Variants in ITPR3 observed in about 807,000 individuals in gnomAD.
ITPR3 encodes the protein inositol 1,4,5-trisphosphate-gated calcium channel ITPR3.
Under a neutral mutation model 293.2 loss-of-function variants are expected in ITPR3, and 173 were observed. The ratio of observed to expected loss-of-function variants is 0.59; its 90% CI spans 0.52 to 0.67. The LOEUF is 0.67. ITPR3 is among the 30% of genes least tolerant of loss of function. The probability of loss-of-function intolerance (pLI) is 0.00; values close to 1 mark genes in which losing one functional copy is unlikely to be tolerated. For synonymous variants in ITPR3, 1,295 were observed against 1,444.4 expected (o/e 0.90, Z 2.35); for missense variants, 2,796 against 3,592.1 (o/e 0.78, Z 5.66).
At chr6:33,689,088 G>GA in intron 49 of ITPR3, 150 bp from the exon 50 acceptor site, 1 of 914,562 alleles carries the variant, frequency 1.1e-6, no homozygotes, top group Non-Finnish European at 1.7e-6. Context: ...AGGCCTGAGA[G>GA]GCAGGTGTAA....
intron 2 of ITPR3, among the ~76,000 whole-genome samples, chr6:33,652,068 G>A (rs571388134): frequency 6.6e-6 from 1 of 152,238 alleles, no homozygotes; most frequent in South Asian, 2.1e-4. Flanking sequence ...ACAGGGCCCT[G>A]CACCTCTCAG....
chr6:33,674,220 A>G lies in ITPR3; in HGVS notation c.3071A>G (p.Asn1024Ser). The change falls in exon 24 of 58, where the codon AAC (asparagine) becomes AGC (serine). Residue 1024 changes from asparagine (N) to serine (S), a missense_variant. Coordinates refer to ENST00000605930, the MANE Select transcript of ITPR3 (RefSeq NM_002224.4). ...CCTCTCCCCACAGCTGCCAACATGA[A>G]CCTGGATCGCATCGGGGAGCAGGCG... ...PAFDSTTANM[N>S]LDRIGEQAEA... 6.2e-7 allele frequency: 1 copy of G among 1,613,798 alleles called. No individual in the cohort carries two copies. The highest frequency in any genetic ancestry group is 1.1e-5 in the South Asian group (1 of 91,060).
rs1300679090 is a variant in ITPR3, at chr6:33,677,639, A to C, written c.3648+10A>C. 2 of 1,612,452 alleles carry C rather than the reference A, an allele frequency of 1.2e-6. No individual in the cohort carries two copies. The highest frequency in any genetic ancestry group is 2.7e-5 in the African/African-American group (2 of 74,850). ...GATCCCCTATGACAAGGTGGCTCTG[A>C]CTTCTGACCTCTGACTCCCCAGGGT... On this transcript the variant is annotated intron_variant, in intron 28 of 57. Transcript: ENST00000605930.
intron 1 of ITPR3, among the ~76,000 whole-genome samples, chr6:33,629,458 C>T (rs1367864444): frequency 7.2e-6 from 1 of 139,030 alleles, no homozygotes; most frequent in Non-Finnish European, 1.6e-5. Context: ...CCCAGGTTGT[C>T]TGTGTTTGAC....
chr6:33,691,824 G>A lies in ITPR3; in HGVS notation c.7354G>A (p.Glu2452Lys). ...AGAGGACAGGGAGCTGGACAGCACA[G>A]AGCGGGCCTGTGACACTCTGTTGAT... ...LEEDRELDST[E>K]RACDTLLMCI... Residue 2452 changes from glutamate to lysine, a missense_variant, in exon 54 of 58, where the codon GAG (glutamate) becomes AAG (lysine). Transcript: ENST00000605930. The surrounding 1 kb of genome is among the most constrained non-coding windows in gnomAD (Gnocchi z 4.9). 6.2e-7 allele frequency: 1 copy of A among 1,614,108 alleles called. No individual in the cohort carries two copies. Among genetic ancestry groups the A allele is most frequent in the Non-Finnish European group, 8.5e-7 (1 of 1,179,992 alleles).
chr6:33,644,314 G>A (rs1043906354), intron 2 of ITPR3, among the ~76,000 whole-genome samples: 2 of 151,776 alleles, frequency 1.3e-5, no homozygotes, highest in African/African-American at 4.8e-5. Flanking sequence ...GTAGAGATGG[G>A]GTTTCACCTT....
intron 2 of ITPR3, among the ~76,000 whole-genome samples, chr6:33,650,277 G>A (rs751093234): frequency 2.0e-5 from 3 of 152,242 alleles, no homozygotes; most frequent in Admixed American, 6.5e-5. Context: ...TGTGTATGGC[G>A]ACGGGCCCCG....
Position 33,692,974 on chromosome 6 carries a change from C to T in ITPR3, c.7624+81C>T. 2.1e-6 allele frequency: 3 copies of T among 1,458,644 alleles called. No individual in the cohort carries two copies. The highest frequency in any genetic ancestry group is 1.3e-5 in the South Asian group (1 of 79,858). 90.4% of individuals were successfully genotyped at this position (1,458,644 alleles called of 1,614,324 possible). On this transcript the variant is annotated intron_variant, in intron 55 of 57. Transcript: ENST00000605930. The surrounding 1 kb of genome is among the most constrained non-coding windows in gnomAD (Gnocchi z 4.2). ...TGCCAGTGGCAGTAGCGGTTTGGCC[C>T]TTCCTGCCCTGGGGAACCCTGGCCC...
chr6:33,672,174 G>A lies in ITPR3; in HGVS notation c.2874G>A (p.Glu958=), dbSNP rs373426658. ...AEPLDRSKFE[E]NEDIVVMETK... ...CGCTGGACAGAAGCAAGTTTGAGGA[G>A]AATGAGGACATTGTGGTGATGGAGA... Residue 958 remains glutamate, a synonymous_variant, in exon 22 of 58, where the codon GAG becomes GAA. Coordinates refer to ENST00000605930, the MANE Select transcript of ITPR3 (RefSeq NM_002224.4). This position sits in a 1 kb window ranked among gnomAD's most constrained non-coding sequence, Gnocchi z 5.0. The A allele has an allele frequency of 1.2e-5, 19 of 1,612,292 alleles. No homozygotes were observed. In the East Asian group the frequency reaches 2.5e-4, roughly 21 times the overall value.
At chr6:33,681,061 C>T (rs977734717) in intron 33 of ITPR3, among the ~76,000 whole-genome samples, 2 of 152,112 alleles carry the variant, frequency 1.3e-5, no homozygotes, top group Non-Finnish European at 1.5e-5. Context: ...CCTCATGATC[C>T]GCCCACCTCG....
chr6:33,684,519 G>A lies in ITPR3; in HGVS notation c.5046+54G>A, dbSNP rs565454643. 38 of 1,601,482 alleles carry A rather than the reference G, an allele frequency of 2.4e-5. No homozygotes were observed. The highest frequency in any genetic ancestry group is 3.3e-5 in the Non-Finnish European group (38 of 1,168,624). The stretch of plus-strand genomic sequence containing the variant: ...GTGGGCCAGTCAGGAGTACCCAGGG[G>A]CTCAGGGTCAAGCCCGTCAGGCCAG... On this transcript the variant is annotated intron_variant, in intron 37 of 57. Transcript: ENST00000605930. This position sits in a 1 kb window ranked among gnomAD's most constrained non-coding sequence, Gnocchi z 4.2.
rs1163507683 is a variant in ITPR3 at position 33,659,494 on chromosome 6, G to A, written c.656G>A (p.Trp219Ter). ...AATTCTGTGAACTGCAACACCAGCT[G>A]GAAGATCAACCTGTTTATGCAGTTT... ...EVNSVNCNTS[W>*]KINLFMQFRD... Residue 219 changes from tryptophan to a stop codon, truncating the protein, a stop_gained, in exon 7 of 58, where the codon TGG becomes TAG. Transcript: ENST00000605930. LOFTEE classifies it high-confidence loss of function. 1.2e-6 allele frequency: 2 copies of A among 1,614,006 alleles called. No homozygotes were observed. Among genetic ancestry groups the A allele is most frequent in the Admixed American group, 1.7e-5 (1 of 60,002 alleles).
rs1395115513 is a variant in ITPR3 at position 33,621,993 on chromosome 6, G to A, written c.89+302G>A. Among the ~76,000 whole-genome samples the A allele has an allele frequency of 6.6e-6, 1 of 152,212 alleles. No homozygotes were observed. The highest frequency in any genetic ancestry group is 2.4e-5 in the African/African-American group (1 of 41,438). On this transcript the variant is annotated intron_variant, in intron 1 of 57. Transcript: ENST00000605930. The surrounding 1 kb of genome is among the most constrained non-coding windows in gnomAD (Gnocchi z 7.7). Reference sequence around the variant, plus strand: ...GAGGCTTCCTTTGCAGGTGGTCCCGGGGGCGGGCAGGTGGGTGGCTGGAGG... The same window carrying A: ...GAGGCTTCCTTTGCAGGTGGTCCCGAGGGCGGGCAGGTGGGTGGCTGGAGG...
At chr6:33,647,231 G>A (rs1044887816) in intron 2 of ITPR3, among the ~76,000 whole-genome samples, 1 of 152,086 alleles carries the variant, frequency 6.6e-6, no homozygotes, top group African/African-American at 2.4e-5. Flanking sequence ...GTGTTGCCTA[G>A]GCTGGAAAAT....
chr6:33,640,299 C>G (rs1050122142), intron 1 of ITPR3, among the ~76,000 whole-genome samples, 185 bp from the exon 2 acceptor site: 24 of 152,088 alleles, frequency 1.6e-4, no homozygotes, highest in African/African-American at 5.8e-4. Context: ...TCCCCGCCCC[C>G]AAGAGACACC....
At chr6:33,671,340 G>A in intron 21 of ITPR3, 34 bp downstream of exon 21, 1 of 1,533,670 alleles carries the variant, frequency 6.5e-7, no homozygotes, top group Non-Finnish European at 8.9e-7. Flanking sequence ...CCACCCTGGT[G>A]GTCCTCAGCC....
chr6:33,674,135 G>C, intron 23 of ITPR3, 73 bp from the exon 24 acceptor site: 1 of 1,559,782 alleles, frequency 6.4e-7, no homozygotes, highest in Non-Finnish European at 8.8e-7. Context: ...AGGGTGGTTT[G>C]AGTGTCTCCC....
chr6:33,667,199 T>A lies in ITPR3; in HGVS notation c.1622T>A (p.Leu541Gln), dbSNP rs552497220. 6.2e-7 allele frequency: 1 copy of A among 1,614,140 alleles called. No individual in the cohort carries two copies. Among genetic ancestry groups the A allele is most frequent in the South Asian group, 1.1e-5 (1 of 91,088 alleles). Residue 541 changes from leucine to glutamine, a missense_variant, in exon 15 of 58, where the codon CTG (leucine) becomes CAG (glutamine). By Grantham distance (113) the Leu-to-Gln change is moderately radical. This residue lies in a region of ITPR3 where 955 missense variants were observed against 1,180.8 expected (regional missense o/e 0.81). Coordinates refer to ENST00000605930, the MANE Select transcript of ITPR3 (RefSeq NM_002224.4). This position sits in a 1 kb window ranked among gnomAD's most constrained non-coding sequence, Gnocchi z 4.4. ...GEGPLVRLEELSDQKNAPYQH... is the reference protein window; with the variant it reads ...GEGPLVRLEEQSDQKNAPYQH... ...GGTCCCCTGGTGCGGCTGGAGGAGC[T>A]GTCAGACCAGAAGAACGCCCCCTAC...
At position 33,671,254 on chromosome 6, in the gene ITPR3, C is replaced by T. The variant is rs1208006355; in HGVS notation, c.2676C>T (p.Ile892=). Residue 892 remains isoleucine, a synonymous_variant, in exon 21 of 58, where the codon ATC becomes ATT. Coordinates refer to ENST00000605930, the MANE Select transcript of ITPR3 (RefSeq NM_002224.4). ...TCACTCGCACACTGCTGGGCATCAT[C>T]GACTGTGTGCAGGGGCCCCCGGCCA... ...LRLTRTLLGI[I]DCVQGPPAML... 1 of 1,613,612 alleles carries T rather than the reference C, an allele frequency of 6.2e-7. No homozygotes were observed. Among genetic ancestry groups the T allele is most frequent in the Non-Finnish European group, 8.5e-7 (1 of 1,180,000 alleles).
Sources: gnomAD v4.1 joint callset for allele counts (sites outside exome capture counted in the v4.1 genomes callset) on GRCh38, gnomAD v4.1.1 for gene constraint, gnomAD v4.1.1 regional missense constraint, Gnocchi (gnomAD v3.1) non-coding constraint, MANE v1.5 for transcripts, NCBI Gene and HGNC (gene_info 2026-07-23, HGNC 2026-07-21) for gene names.